The following PTPRD variants were observed in gnomAD, a reference collection of about 807,000 sequenced individuals.
PTPRD encodes receptor-type tyrosine-protein phosphatase delta.
In PTPRD, 34 loss-of-function variants were observed where a neutral mutation model predicts 214.5. That is an observed-to-expected ratio of 0.16 (90% confidence interval 0.12 to 0.21). The LOEUF is 0.21. Ranked by LOEUF, PTPRD falls within the 10% of genes least tolerant of loss-of-function variation. The pLI, the probability that PTPRD is intolerant of heterozygous loss-of-function variation, is 1.00. For missense variants in PTPRD, 2,545 were observed against 2,398.7 expected, an observed-to-expected ratio of 1.06 and a Z score of -1.27; for synonymous variants, 1,128 against 845.7, an observed-to-expected ratio of 1.33 and a Z score of -5.79.
chr9:8,663,969 C>G (rs141139416), intron 12 of PTPRD, among the ~76,000 whole-genome samples: 5 of 151,818 alleles, frequency 3.3e-5, no homozygotes, highest in African/African-American at 1.2e-4. Flanking sequence ...AAGACGATCT[C>G]TGATATTTCA....
chr9:9,401,474 G>C (rs2070442695), intron 8 of PTPRD, among the ~76,000 whole-genome samples: 1 of 152,028 alleles, frequency 6.6e-6, no homozygotes. Flanking sequence ...AATGGTAACG[G>C]GGAAAGGAAC....
chr9:10,419,552 T>A (rs1420354139), intron 2 of PTPRD, among the ~76,000 whole-genome samples: 1 of 151,812 alleles, frequency 6.6e-6, no homozygotes. Flanking sequence ...AGCAAATAAA[T>A]CAGGTCAGAA....
chr9:8,341,415 C>G (rs1457139980), intron 40 of PTPRD, 147 bp from the exon 41 acceptor site: 1 of 903,890 alleles, frequency 1.1e-6, no homozygotes, highest in East Asian at 2.6e-5. Flanking sequence ...TACTGCTTTT[C>G]ACATCTACCT....
At chr9:9,220,647 G>C (rs1336705190) in intron 9 of PTPRD, among the ~76,000 whole-genome samples, 1 of 151,926 alleles carries the variant, frequency 6.6e-6, no homozygotes, top group Non-Finnish European at 1.5e-5. Flanking sequence ...CATTTCGGGG[G>C]GTTGAATTCA....
chr9:9,125,402 C>G (rs1321308560), intron 10 of PTPRD, among the ~76,000 whole-genome samples: 1 of 152,154 alleles, frequency 6.6e-6, no homozygotes, highest in African/African-American at 2.4e-5. Context: ...TGCTCTCTCA[C>G]TCCATTACCA....
intron 2 of PTPRD, among the ~76,000 whole-genome samples, chr9:10,369,040 AAC>A (rs1351474706): frequency 1.3e-5 from 2 of 152,054 alleles, no homozygotes; most frequent in African/African-American, 4.8e-5. Flanking sequence ...GCAAAACAAA[AAC>A]ACAGTGCCAA....
intron 14 of PTPRD, among the ~76,000 whole-genome samples, 161 bp downstream of exon 14, chr9:8,633,156 A>G (rs1433274070): frequency 6.6e-6 from 1 of 152,062 alleles, no homozygotes; most frequent in Non-Finnish European, 1.5e-5. Flanking sequence ...ACCCAAAACT[A>G]GAGAAGGTAT....
At chr9:10,282,252 G>C (rs1190888904) in intron 3 of PTPRD, among the ~76,000 whole-genome samples, 2 of 152,166 alleles carry the variant, frequency 1.3e-5, no homozygotes, top group Non-Finnish European at 2.9e-5. Flanking sequence ...GGATTAGGCA[G>C]TAACTTAATT....
At chr9:10,004,036 A>G (rs1323681516) in intron 4 of PTPRD, among the ~76,000 whole-genome samples, 2 of 151,952 alleles carry the variant, frequency 1.3e-5, no homozygotes, top group Non-Finnish European at 1.5e-5. Flanking sequence ...TGGTACACTA[A>G]CAGTCTTCAA....
chr9:8,923,257 G>C lies in PTPRD; in HGVS notation c.-104+95440C>G, dbSNP rs567020839. 5.3e-5 allele frequency among the ~76,000 whole-genome samples: 8 copies of C among 151,734 alleles called. No homozygotes were observed. The Middle Eastern group carries it at 0.01, about 194-fold the overall frequency. The stretch of plus-strand genomic sequence containing the variant: ...GGGTTTCACCATGTTGGCCAGGCTG[G>C]TCTCGAACTCCTGACCTTAGGTGAT... On this transcript the variant is annotated intron_variant, in intron 11 of 45. Transcript: ENST00000381196.
At chr9:9,662,782 G>A (rs776739984) in intron 7 of PTPRD, among the ~76,000 whole-genome samples, 3 of 151,432 alleles carry the variant, frequency 2.0e-5, no homozygotes, top group Non-Finnish European at 4.4e-5. Flanking sequence ...TTGCTATAAG[G>A]CATTAAAACC....
intron 2 of PTPRD, among the ~76,000 whole-genome samples, chr9:10,580,149 T>C (rs78537758): frequency 6.6e-6 from 1 of 152,192 alleles, no homozygotes; most frequent in African/African-American, 2.4e-5. Context: ...AGCCTCACTC[T>C]TTTTTCTATA....
intron 4 of PTPRD, among the ~76,000 whole-genome samples, chr9:9,948,808 G>T (rs898836909): frequency 6.6e-6 from 1 of 151,782 alleles, no homozygotes; most frequent in African/African-American, 2.4e-5. Flanking sequence ...CTCAACAGTA[G>T]GTATAAGGGC....
intron 9 of PTPRD, among the ~76,000 whole-genome samples, chr9:9,276,402 C>T (rs1421621712): frequency 1.3e-5 from 2 of 151,246 alleles, no homozygotes; most frequent in East Asian, 3.9e-4. Context: ...ATCAGAGGCC[C>T]GGGGCAAAGG....
chr9:10,421,123 T>A (rs1380712585), intron 2 of PTPRD, among the ~76,000 whole-genome samples: 2 of 151,878 alleles, frequency 1.3e-5, no homozygotes, highest in African/African-American at 4.8e-5. Context: ...GTTTACTAAT[T>A]TGTGTTGGGC....
chr9:9,629,226 A>G (rs915082071), intron 7 of PTPRD, among the ~76,000 whole-genome samples: 2 of 134,834 alleles, frequency 1.5e-5, no homozygotes, highest in Admixed American at 7.3e-5. Flanking sequence ...GGAGATATAT[A>G]TGTGTGTGTG....
At chr9:9,486,008 G>A (rs536464753) in intron 8 of PTPRD, among the ~76,000 whole-genome samples, 1 of 151,806 alleles carries the variant, frequency 6.6e-6, no homozygotes, top group African/African-American at 2.4e-5. Context: ...AAAAATAGCA[G>A]GGCGTGGTGG....
At chr9:10,232,242 T>G (rs944673120) in intron 3 of PTPRD, among the ~76,000 whole-genome samples, 1 of 151,908 alleles carries the variant, frequency 6.6e-6, no homozygotes, top group Non-Finnish European at 1.5e-5. Context: ...GTTTCTCCGG[T>G]TCAGGTATTC....
intron 2 of PTPRD, among the ~76,000 whole-genome samples, chr9:10,366,324 C>G (rs375677468): frequency 6.6e-6 from 1 of 152,100 alleles, no homozygotes; most frequent in Non-Finnish European, 1.5e-5. Flanking sequence ...ATACAGAATA[C>G]GGAAGGCTCA....
Sources: gnomAD v4.1 joint callset for allele counts (sites outside exome capture counted in the v4.1 genomes callset) on GRCh38, gnomAD v4.1.1 for gene constraint, MANE v1.5 for transcripts, NCBI Gene and HGNC (gene_info 2026-07-23, HGNC 2026-07-21) for gene names.